Variants in SORCS3 observed in about 807,000 individuals in gnomAD.
SORCS3 encodes sortilin related VPS10 domain containing receptor 3, also known as VPS10 domain-containing receptor SorCS3.
In SORCS3, 57 loss-of-function variants were observed where a neutral mutation model predicts 146.3. The observed-to-expected ratio is 0.39, with a 90% confidence interval of 0.31 to 0.49. The LOEUF (loss-of-function observed/expected upper bound fraction) is 0.49, where lower values mean the gene tolerates loss of function less well. Ranked by LOEUF, SORCS3 falls within the 20% of genes least tolerant of loss-of-function variation. SORCS3 has a pLI of 0.92. For synonymous variants in SORCS3, 653 were observed against 618.5 expected, an observed-to-expected ratio of 1.06 and a Z score of -0.83; for missense variants, 1,341 against 1,575.5, an observed-to-expected ratio of 0.85 and a Z score of 2.52.
intron 1 of SORCS3, among the ~76,000 whole-genome samples, chr10:104,829,489 G>A (rs1234318055): frequency 6.6e-6 from 1 of 151,996 alleles, no homozygotes; most frequent in Non-Finnish European, 1.5e-5. Flanking sequence ...TAGGAGAAGG[G>A]GTATTCTAGT....
intron 26 of SORCS3, 76 bp downstream of exon 26, chr10:105,262,567 C>G (rs1375839802): frequency 2.8e-6 from 4 of 1,439,990 alleles, no homozygotes; most frequent in Non-Finnish European, 3.8e-6. Flanking sequence ...GTCCCCCATA[C>G]ATTACTGGAC....
intron 14 of SORCS3, among the ~76,000 whole-genome samples, chr10:105,195,635 G>C (rs1048440915): frequency 6.6e-6 from 1 of 152,184 alleles, no homozygotes; most frequent in African/African-American, 2.4e-5. Flanking sequence ...ACAGAATTAG[G>C]GAAGCTGGGT....
rs529623337 is a variant in SORCS3 at position 104,882,171 on chromosome 10, TG to T, written c.696-33659del. Among the ~76,000 whole-genome samples the T allele has an allele frequency of 6.6e-5, 10 of 152,306 alleles. No homozygotes were observed. In the South Asian group the frequency reaches 1.9e-3, roughly 28 times the overall value. On this transcript the variant is annotated intron_variant, in intron 2 of 26. Coordinates refer to ENST00000369701, the MANE Select transcript of SORCS3 (RefSeq NM_014978.3). Reference sequence around the variant, plus strand: ...TGGATTTTCTTTTCACAACAAATTGTGGGTAGAGATCCACCTGATTCACCTG... The same window carrying T: ...TGGATTTTCTTTTCACAACAAATTGTGGTAGAGATCCACCTGATTCACCTG...
At chr10:105,110,478 C>T (rs2055852418) in intron 7 of SORCS3, among the ~76,000 whole-genome samples, 1 of 151,740 alleles carries the variant, frequency 6.6e-6, no homozygotes, top group African/African-American at 2.4e-5. Flanking sequence ...TTAACTATTG[C>T]TTATTTTTTA....
intron 7 of SORCS3, among the ~76,000 whole-genome samples, chr10:105,130,932 C>G (rs1412712785): frequency 6.6e-6 from 1 of 152,142 alleles, no homozygotes; most frequent in Non-Finnish European, 1.5e-5. Context: ...TATTCTGACT[C>G]ATAGTGTGGT....
intron 1 of SORCS3, among the ~76,000 whole-genome samples, chr10:104,826,388 A>G (rs550999281): frequency 1.3e-5 from 2 of 152,218 alleles, no homozygotes; most frequent in African/African-American, 4.8e-5. Context: ...GTATACACAC[A>G]TATACCTCAG....
At chr10:105,246,290 CAACCAGTATCACTG>C (rs2056865839) in intron 21 of SORCS3, among the ~76,000 whole-genome samples, 4 of 152,184 alleles carry the variant, frequency 2.6e-5, no homozygotes, top group African/African-American at 4.8e-5. Flanking sequence ...TCCCTAGACA[CAACCAGTATCACTG>C]TGGTTTTCTT....
intron 5 of SORCS3, among the ~76,000 whole-genome samples, chr10:105,053,673 A>T (rs2055427736): frequency 6.6e-6 from 1 of 151,974 alleles, no homozygotes; most frequent in Admixed American, 6.6e-5. Context: ...TTAAAAATGA[A>T]ATTGAACATT....
At chr10:104,742,579 C>G (rs1170661232) in intron 1 of SORCS3, among the ~76,000 whole-genome samples, 1 of 152,090 alleles carries the variant, frequency 6.6e-6, no homozygotes, top group Non-Finnish European at 1.5e-5. Context: ...TGATGCAGGC[C>G]CAAATTTGGG....
At chr10:104,686,722 C>T (rs535252736) in intron 1 of SORCS3, among the ~76,000 whole-genome samples, 15 of 152,240 alleles carry the variant, frequency 9.9e-5, no homozygotes, top group African/African-American at 3.4e-4. Context: ...CCTCTCACTG[C>T]ACATGATGGA....
At position 105,085,905 on chromosome 10, in the gene SORCS3, C is replaced by T. The variant is rs554584420; in HGVS notation, c.1029-3870C>T. On this transcript the variant is annotated intron_variant, in intron 5 of 26. Transcript: ENST00000369701. ...TCTCTGTCTCTCTCTGTTTCTTTCT[C>T]TATCTCTGTGTGTTTCTGTTTCTCT... Among the ~76,000 whole-genome samples the T allele has an allele frequency of 9.6e-4, 146 of 152,242 alleles. 2 individuals carry two copies. In the South Asian group the frequency reaches 0.03, roughly 31 times the overall value.
intron 9 of SORCS3, among the ~76,000 whole-genome samples, chr10:105,155,059 A>G (rs2056196813): frequency 6.6e-6 from 1 of 152,322 alleles, no homozygotes; most frequent in Non-Finnish European, 1.5e-5. Context: ...CACAGCTGCA[A>G]GTGGGTTCCC....
chr10:105,113,032 G>A (rs778660081), intron 7 of SORCS3, among the ~76,000 whole-genome samples: 6 of 152,164 alleles, frequency 3.9e-5, no homozygotes, highest in African/African-American at 7.2e-5. Flanking sequence ...GGAGGAGGAC[G>A]CCTGGAAAGG....
intron 4 of SORCS3, among the ~76,000 whole-genome samples, chr10:104,988,272 A>G (rs1261042978): frequency 6.6e-6 from 1 of 152,152 alleles, no homozygotes. Flanking sequence ...CATATGGGCC[A>G]CTTTTACGCT....
At chr10:105,230,131 G>A (rs1291553201) in intron 20 of SORCS3, among the ~76,000 whole-genome samples, 1 of 152,108 alleles carries the variant, frequency 6.6e-6, no homozygotes, top group Non-Finnish European at 1.5e-5. Context: ...TGGGAGGAGT[G>A]CTGAGGTACT....
chr10:104,931,171 A>AG (rs1169245918), intron 3 of SORCS3, among the ~76,000 whole-genome samples: 2 of 149,794 alleles, frequency 1.3e-5, no homozygotes, highest in African/African-American at 5.1e-5. Context: ...ACTGAGTCTC[A>AG]GGGGGGGAGT....
rs1016420269 is a variant in SORCS3 at position 104,641,444 on chromosome 10, G to A, written c.117G>A (p.Ala39=). ...VLAGAEITWD[A]TGGPGRPAAP... ...CCGGCGCCGAGATCACTTGGGACGCGACAGGCGGTCCCGGACGCCCGGCGG... is the reference window on the plus strand; with the variant it reads ...CCGGCGCCGAGATCACTTGGGACGCAACAGGCGGTCCCGGACGCCCGGCGG... Residue 39 remains alanine (A), a synonymous_variant, in exon 1 of 27, where the codon GCG becomes GCA. Coordinates refer to ENST00000369701, the MANE Select transcript of SORCS3 (RefSeq NM_014978.3). This position sits in a 1 kb window ranked among gnomAD's most constrained non-coding sequence, Gnocchi z 6.4. The A allele has an allele frequency of 1.4e-6, 2 of 1,470,474 alleles. No homozygotes were observed. Among genetic ancestry groups the A allele is most frequent in the Middle Eastern group, 2.3e-4 (1 of 4,406 alleles). 91.1% of individuals were successfully genotyped at this position (1,470,474 alleles called of 1,614,324 possible).
chr10:105,095,384 A>T (rs1408262874), intron 6 of SORCS3, among the ~76,000 whole-genome samples: 1 of 152,154 alleles, frequency 6.6e-6, no homozygotes, highest in East Asian at 1.9e-4. Flanking sequence ...AGCATCAGTG[A>T]TGAGGTCAGG....
intron 4 of SORCS3, among the ~76,000 whole-genome samples, chr10:105,014,068 CATATAT>C (rs59328970): frequency 0.2 from 27,201 of 137,276 alleles, 2,591 homozygotes; most frequent in South Asian, 0.27. Flanking sequence ...TCTAAATATA[CATATAT>C]ATATATATAC....
Sources: gnomAD v4.1 joint callset for allele counts (sites outside exome capture counted in the v4.1 genomes callset) on GRCh38, gnomAD v4.1.1 for gene constraint, Gnocchi (gnomAD v3.1) non-coding constraint, MANE v1.5 for transcripts, NCBI Gene and HGNC (gene_info 2026-07-23, HGNC 2026-07-21) for gene names.